Variants in ARID4A observed in about 807,000 individuals in gnomAD.
ARID4A encodes AT-rich interaction domain 4A.
In ARID4A, 39 loss-of-function variants were observed where a neutral mutation model predicts 148.6. The ratio of observed to expected loss-of-function variants is 0.26; its 90% confidence interval spans 0.20 to 0.34. The LOEUF (loss-of-function observed/expected upper bound fraction) is 0.34, where lower values mean the gene tolerates loss of function less well. Among genes scored for constraint, ARID4A ranks in the 10% least tolerant of loss-of-function variants. The pLI is 1.00. For synonymous variants in ARID4A, 475 were observed against 481.2 expected (o/e 0.99, Z 0.17); for missense variants, 1,265 against 1,449.1 (o/e 0.87, Z 2.06).
At chr14:58,326,025 G>C (rs1376666177) in intron 8 of ARID4A, among the ~76,000 whole-genome samples, 3 of 152,020 alleles carry the variant, frequency 2.0e-5, no homozygotes, top group African/African-American at 7.2e-5. Flanking sequence ...TTCAATATTA[G>C]GACTCCCTGG....
chr14:58,330,370 C>T (rs1039577689), intron 11 of ARID4A, among the ~76,000 whole-genome samples: 1 of 152,000 alleles, frequency 6.6e-6, no homozygotes, highest in African/African-American at 2.4e-5. Context: ...TAAGAGATTA[C>T]AAGAAAATAC....
chr14:58,304,156 G>C (rs1039382032), intron 3 of ARID4A, among the ~76,000 whole-genome samples: 2 of 151,984 alleles, frequency 1.3e-5, no homozygotes, highest in African/African-American at 4.8e-5. Flanking sequence ...TTATGTTTCA[G>C]TTTTCTTGAT....
chr14:58,316,534 T>C (rs979790850), intron 5 of ARID4A, among the ~76,000 whole-genome samples: 2 of 152,162 alleles, frequency 1.3e-5, no homozygotes, highest in African/African-American at 4.8e-5. Flanking sequence ...TAAAATTCCT[T>C]ACCCCATTTC....
intron 12 of ARID4A, among the ~76,000 whole-genome samples, chr14:58,345,473 A>G (rs1023451909): frequency 2.6e-5 from 4 of 152,294 alleles, no homozygotes; most frequent in African/African-American, 7.2e-5. Flanking sequence ...TAGGAGACCA[A>G]TCGTTATCTG....
chr14:58,328,838 A>G (rs1001311010), intron 9 of ARID4A, among the ~76,000 whole-genome samples: 1 of 151,816 alleles, frequency 6.6e-6, no homozygotes, highest in Non-Finnish European at 1.5e-5. Flanking sequence ...ACTAAAATAT[A>G]AAAAATTAGC....
At chr14:58,344,600 A>G (rs1175458758) in intron 11 of ARID4A, 95 bp from the exon 12 acceptor site, 48 of 837,546 alleles carry the variant, frequency 5.7e-5, no homozygotes, top group Non-Finnish European at 8.3e-5. Context: ...CTTTATTAAA[A>G]TTTGATGACT....
At chr14:58,318,048 T>G (rs2032588130) in intron 5 of ARID4A, among the ~76,000 whole-genome samples, 1 of 152,146 alleles carries the variant, frequency 6.6e-6, no homozygotes, top group African/African-American at 2.4e-5. Flanking sequence ...TCTTATGACT[T>G]TAGAATTTGG....
At chr14:58,325,785 T>A (rs2033172597) in intron 8 of ARID4A, among the ~76,000 whole-genome samples, 1 of 152,292 alleles carries the variant, frequency 6.6e-6, no homozygotes, top group African/African-American at 2.4e-5. Flanking sequence ...TGAAAGTCCC[T>A]TGAACCTTTC....
intron 11 of ARID4A, among the ~76,000 whole-genome samples, chr14:58,339,014 T>C (rs2033975211): frequency 6.9e-6 from 1 of 145,852 alleles, no homozygotes; most frequent in African/African-American, 2.6e-5. Flanking sequence ...CCTCTCAGGC[T>C]GGAGTGCAGT....
chr14:58,362,133 G>T (rs770929219), intron 19 of ARID4A, among the ~76,000 whole-genome samples: 5 of 152,104 alleles, frequency 3.3e-5, no homozygotes, highest in Non-Finnish European at 7.4e-5. Flanking sequence ...ATTCAATGCT[G>T]TTCATCTGGG....
intron 11 of ARID4A, among the ~76,000 whole-genome samples, chr14:58,335,907 G>A (rs2033790628): frequency 6.6e-6 from 1 of 151,932 alleles, no homozygotes; most frequent in South Asian, 2.1e-4. Flanking sequence ...CCAAGCCACT[G>A]TTCTCTTTAC....
intron 5 of ARID4A, among the ~76,000 whole-genome samples, chr14:58,311,597 A>C (rs571285750): frequency 1.3e-4 from 20 of 152,336 alleles, no homozygotes; most frequent in Admixed American, 6.5e-4. Flanking sequence ...GTATATAACC[A>C]AAGAATTAAA....
chr14:58,318,140 T>C (rs1046078090), intron 5 of ARID4A, among the ~76,000 whole-genome samples: 2 of 152,186 alleles, frequency 1.3e-5, no homozygotes, highest in Non-Finnish European at 2.9e-5. Flanking sequence ...GGAGTCAGTT[T>C]CTGGAAGTTA....
chr14:58,316,988 G>A (rs545902987), intron 5 of ARID4A, among the ~76,000 whole-genome samples: 1 of 151,254 alleles, frequency 6.6e-6, no homozygotes, highest in Non-Finnish European at 1.5e-5. Context: ...GTCGGGAGAT[G>A]GAGACCATCC....
At chr14:58,347,167 T>C in intron 14 of ARID4A, 50 bp downstream of exon 14, 1 of 1,064,032 alleles carries the variant, frequency 9.4e-7, no homozygotes, top group African/African-American at 1.7e-5. Flanking sequence ...TAGGAAATAT[T>C]TTCCATTTAC....
chr14:58,329,575 T>C lies in ARID4A; in HGVS notation c.710T>C (p.Leu237Pro). ...ATTAAGGAAGTAGACATTCTCAATC[T>C]ACCGGAATCTGAGCTCTCCACTAAA... ...KDIKEVDILNLPESELSTKPG... is the reference protein window; with the variant it reads ...KDIKEVDILNPPESELSTKPG... The change falls in exon 10 of 24, where the codon CTA becomes CCA. Residue 237 changes from leucine to proline, a missense_variant. Transcript: ENST00000355431. The C allele has an allele frequency of 6.2e-7, 1 of 1,607,058 alleles. No homozygotes were observed. Among genetic ancestry groups the C allele is most frequent in the Non-Finnish European group, 8.5e-7 (1 of 1,173,794 alleles).
intron 22 of ARID4A, 37 bp downstream of exon 22, chr14:58,366,267 G>A (rs772869474): frequency 9.8e-6 from 14 of 1,432,454 alleles, no homozygotes; most frequent in Non-Finnish European, 1.1e-5. Flanking sequence ...GATGAATACT[G>A]TAAAGTGGAA....
At position 58,364,836 on chromosome 14, in the gene ARID4A, C is replaced by T. The variant is rs531528996; in HGVS notation, c.2747C>T (p.Ala916Val). The change falls in exon 20 of 24, where the codon GCA becomes GTA. Residue 916 changes from alanine to valine, a missense_variant. Coordinates refer to ENST00000355431, the MANE Select transcript of ARID4A (RefSeq NM_002892.4). ...RENEGMPSLI[A>V]ESNQCIQQLT... ...AATGAAGGAATGCCATCATTGATAGCAGAGTCAAACCAATGCATCCAACAA... is the reference window on the plus strand; with the variant it reads ...AATGAAGGAATGCCATCATTGATAGTAGAGTCAAACCAATGCATCCAACAA... 1 of 1,614,094 alleles carries T rather than the reference C, an allele frequency of 6.2e-7. No homozygotes were observed. Among genetic ancestry groups the T allele is most frequent in the East Asian group, 2.2e-5 (1 of 44,872 alleles).
At chr14:58,366,438 A>G (rs2035363281) in intron 22 of ARID4A, among the ~76,000 whole-genome samples, 1 of 152,206 alleles carries the variant, frequency 6.6e-6, no homozygotes, top group African/African-American at 2.4e-5. Context: ...ATTGACTTAC[A>G]GGAAGGTCTC....
Sources: gnomAD v4.1 joint callset for allele counts (sites outside exome capture counted in the v4.1 genomes callset) on GRCh38, gnomAD v4.1.1 for gene constraint, MANE v1.5 for transcripts, NCBI Gene and HGNC (gene_info 2026-07-23, HGNC 2026-07-21) for gene names.